Variants in ASTN2 observed in about 807,000 individuals in gnomAD.
ASTN2 encodes astrotactin 2, also known as astrotactin-2.
ASTN2 carries 54 observed loss-of-function variants against 139.8 expected under a neutral mutation model. The observed-to-expected ratio is 0.39, with a 90% confidence interval of 0.31 to 0.48. The LOEUF is 0.48. ASTN2 is among the 20% of genes least tolerant of loss of function. ASTN2 has a pLI of 0.95. For synonymous variants in ASTN2, 756 were observed against 719.5 expected (o/e 1.05, Z -0.81); for missense variants, 1,565 against 1,725.1 (o/e 0.91, Z 1.64).
At chr9:116,513,351 A>G (rs1336547692) in intron 19 of ASTN2, among the ~76,000 whole-genome samples, 1 of 152,150 alleles carries the variant, frequency 6.6e-6, no homozygotes. Context: ...TGGCTTGTAG[A>G]GTTTCTGCCG....
intron 6 of ASTN2, among the ~76,000 whole-genome samples, chr9:117,010,914 A>G (rs1837510950): frequency 6.6e-6 from 1 of 152,174 alleles, no homozygotes; most frequent in Admixed American, 6.5e-5. Context: ...CTATCCCTGG[A>G]GAGGGGACAT....
chr9:116,632,205 A>AAAGAAAAAG (rs767242462), intron 17 of ASTN2, among the ~76,000 whole-genome samples: 1 of 45,306 alleles, frequency 2.2e-5, no homozygotes, highest in South Asian at 8.0e-4. Context: ...AGAAAGAAAG[A>AAAGAAAAAG]AAAGAAAGAA....
chr9:116,838,532 T>C (rs2132297330), intron 11 of ASTN2, among the ~76,000 whole-genome samples: 1 of 151,376 alleles, frequency 6.6e-6, no homozygotes, highest in African/African-American at 2.4e-5. Flanking sequence ...CAAGCAATTC[T>C]CCTGTCTCAG....
At chr9:116,746,712 T>C (rs796268693) in intron 13 of ASTN2, among the ~76,000 whole-genome samples, 6 of 152,304 alleles carry the variant, frequency 3.9e-5, no homozygotes, top group African/African-American at 1.4e-4. Flanking sequence ...CTCTTTTCAT[T>C]TGGGAGTTAG....
At chr9:117,074,394 T>C (rs924865205) in intron 5 of ASTN2, among the ~76,000 whole-genome samples, 5 of 152,154 alleles carry the variant, frequency 3.3e-5, no homozygotes, top group African/African-American at 1.2e-4. Flanking sequence ...TTCAGAAAGG[T>C]GGTAACATTT....
intron 19 of ASTN2, among the ~76,000 whole-genome samples, chr9:116,607,589 A>G (rs1192592913): frequency 2.0e-5 from 3 of 151,956 alleles, no homozygotes; most frequent in Admixed American, 6.6e-5. Context: ...ATAAAGAAGA[A>G]TCTTGGATTT....
intron 16 of ASTN2, chr9:116,701,145 G>A (rs80319306): frequency 1.8e-5 from 3 of 167,196 alleles, no homozygotes; most frequent in East Asian, 3.9e-4. Flanking sequence ...CAGGGCTGAT[G>A]GCAAGCCAAA....
intron 4 of ASTN2, among the ~76,000 whole-genome samples, chr9:117,102,604 C>A (rs924787058): frequency 6.6e-6 from 1 of 152,122 alleles, no homozygotes; most frequent in East Asian, 1.9e-4. Context: ...CTCACTTCAA[C>A]CTCTGCCTCC....
intron 2 of ASTN2, among the ~76,000 whole-genome samples, chr9:117,242,006 T>A (rs1215305212): frequency 7.5e-3 from 8 of 1,070 alleles, no homozygotes; most frequent in Non-Finnish European, 0.02. Flanking sequence ...TGGCAAGTCT[T>A]TTTTTTTTTT....
Position 116,843,010 on chromosome 9 carries a change from A to T in ASTN2, c.2040+20573T>A, listed in dbSNP as rs115926340. On this transcript the variant is annotated intron_variant, in intron 11 of 22. Coordinates refer to ENST00000313400, the MANE Select transcript of ASTN2 (RefSeq NM_001365068.1). ...TCCAACCCTCAGTATCTCTCTCCAC[A>T]TTTTGCCCTCAGCCAGGCCTGGCCT... 7.9e-3 allele frequency among the ~76,000 whole-genome samples: 1,207 copies of T among 152,156 alleles called. 16 individuals are homozygous for T. Among genetic ancestry groups the T allele is most frequent in the African/African-American group, 0.028 (1,167 of 41,500 alleles).
intron 3 of ASTN2, among the ~76,000 whole-genome samples, chr9:117,190,605 T>C (rs1831319510): frequency 6.6e-6 from 1 of 152,152 alleles, no homozygotes; most frequent in Non-Finnish European, 1.5e-5. Flanking sequence ...GCTCTCTCTC[T>C]CAATGCTACT....
chr9:116,924,318 T>C (rs1480773675), intron 10 of ASTN2, among the ~76,000 whole-genome samples: 1 of 149,570 alleles, frequency 6.7e-6, no homozygotes, highest in Non-Finnish European at 1.5e-5. Flanking sequence ...TAATCCCAGC[T>C]ACTCAGGTGG....
intron 19 of ASTN2, among the ~76,000 whole-genome samples, chr9:116,506,347 C>A (rs779119076): frequency 2.0e-5 from 3 of 152,216 alleles, no homozygotes; most frequent in East Asian, 1.9e-4. Context: ...GCAAACTGAG[C>A]TGCCAGACTC....
chr9:116,597,693 T>C (rs150919995), intron 19 of ASTN2, among the ~76,000 whole-genome samples: 96 of 152,132 alleles, frequency 6.3e-4, no homozygotes, highest in African/African-American at 2.2e-3. Context: ...CTCATCTGTA[T>C]AATGTGAGTG....
At chr9:117,375,983 C>A (rs112850147) in intron 1 of ASTN2, among the ~76,000 whole-genome samples, 30 of 152,258 alleles carry the variant, frequency 2.0e-4, no homozygotes, top group African/African-American at 7.0e-4. Flanking sequence ...GAGTCTAATG[C>A]CACTGCCTGA....
chr9:117,279,265 G>A (rs1483665857), intron 2 of ASTN2, among the ~76,000 whole-genome samples: 1 of 152,186 alleles, frequency 6.6e-6, no homozygotes, highest in Non-Finnish European at 1.5e-5. Flanking sequence ...AGATGGAGCA[G>A]AGAGCTCATT....
intron 1 of ASTN2, among the ~76,000 whole-genome samples, chr9:117,365,351 GAAAAGAGAA>G (rs1829816287): frequency 6.6e-6 from 1 of 151,774 alleles, no homozygotes; most frequent in African/African-American, 2.4e-5. Flanking sequence ...GAAAAGAAAA[GAAAAGAGAA>G]AGAAAGAAAG....
At chr9:117,153,160 C>T (rs1830360326) in intron 3 of ASTN2, among the ~76,000 whole-genome samples, 4 of 151,824 alleles carry the variant, frequency 2.6e-5, no homozygotes, top group Admixed American at 2.0e-4. Flanking sequence ...CTTCAAGAAG[C>T]ATCACATATT....
chr9:116,837,376 G>A lies in ASTN2; in HGVS notation c.2041-16593C>T, dbSNP rs147451277. ...AGGGGAGGACTCATAGGAAGACTCT[G>A]AGCCCAAGTCTCTGAGCCTTGAGAT... On this transcript the variant is annotated intron_variant, in intron 11 of 22. Coordinates refer to ENST00000313400, the MANE Select transcript of ASTN2 (RefSeq NM_001365068.1). Among the ~76,000 whole-genome samples the A allele has an allele frequency of 7.7e-3, 1,171 of 152,272 alleles. 3 individuals are homozygous for A. The highest frequency in any genetic ancestry group is 0.014 in the South Asian group (69 of 4,824).
Sources: allele counts gnomAD v4.1 joint callset (sites outside exome capture counted in the v4.1 genomes callset), GRCh38; gene constraint gnomAD v4.1.1; transcripts MANE v1.5; gene names NCBI Gene and HGNC (gene_info 2026-07-23, HGNC 2026-07-21).